The following CGNL1 variants were observed in gnomAD, a reference collection of about 807,000 sequenced individuals.
CGNL1 encodes cingulin-like protein 1.
In CGNL1, 132 loss-of-function variants were observed where a neutral mutation model predicts 141.2. That is an observed-to-expected ratio of 0.93 (90% CI 0.81 to 1.08). The LOEUF is 1.08. Ranked by LOEUF, CGNL1 falls within the 50% of genes least tolerant of loss-of-function variation. The pLI is 0.00. For synonymous variants in CGNL1, 690 were observed against 622.1 expected (o/e 1.11, Z -1.63); for missense variants, 1,870 against 1,588.6 (o/e 1.18, Z -3.01).
chr15:57,432,536 C>T (rs963269661), intron 1 of CGNL1, among the ~76,000 whole-genome samples: 14 of 152,184 alleles, frequency 9.2e-5, no homozygotes, highest in African/African-American at 1.9e-4. Flanking sequence ...CTTTTATTTG[C>T]CAAGTGCCAC....
At chr15:57,534,183 T>A (rs1004994808) in intron 14 of CGNL1, among the ~76,000 whole-genome samples, 1 of 152,214 alleles carries the variant, frequency 6.6e-6, no homozygotes, top group Non-Finnish European at 1.5e-5. Context: ...AAAGATGAGT[T>A]CCACCAATGT....
rs1440767228 is a variant in CGNL1 at position 57,549,595 on chromosome 15, T to G, written c.*2105T>G. On this transcript the variant is annotated 3_prime_UTR_variant, in exon 19 of 19. Coordinates refer to ENST00000281282, the MANE Select transcript of CGNL1 (RefSeq NM_032866.5). ...TGTGGCCGATTCCTCCCTTTAGTCA[T>G]TCATTCATTTAGCACATATTTATTG... The G allele has an allele frequency of 6.6e-6, 1 of 152,210 alleles. No individual in the cohort carries two copies. Among genetic ancestry groups the G allele is most frequent in the Non-Finnish European group, 1.5e-5 (1 of 68,058 alleles). The allele number at this position is 152,210 out of a possible 1,614,324, so 9.4% of individuals were successfully genotyped here. A position where few individuals can be genotyped will look rare whatever the true frequency, so the allele number is the denominator to read the frequency against.
At chr15:57,492,573 G>A (rs2063881022) in intron 8 of CGNL1, among the ~76,000 whole-genome samples, 1 of 152,144 alleles carries the variant, frequency 6.6e-6, no homozygotes, top group Non-Finnish European at 1.5e-5. Context: ...TGGGGATAGT[G>A]AGGACAAATA....
chr15:57,487,869 C>T (rs2063806064), intron 8 of CGNL1, among the ~76,000 whole-genome samples: 1 of 152,158 alleles, frequency 6.6e-6, no homozygotes, highest in Admixed American at 6.5e-5. Context: ...ATATAGTTTT[C>T]GAGTATACAG....
chr15:57,493,138 G>A (rs2063889635), intron 8 of CGNL1, among the ~76,000 whole-genome samples: 1 of 152,204 alleles, frequency 6.6e-6, no homozygotes, highest in African/African-American at 2.4e-5. Context: ...TAGATAGTGA[G>A]TTTATGATTT....
chr15:57,405,772 C>CTCTTTCTTTTTCTT (rs1447047398), intron 1 of CGNL1, among the ~76,000 whole-genome samples: 20 of 123,390 alleles, frequency 1.6e-4, no homozygotes, highest in African/African-American at 6.7e-4. Context: ...TTCTTTCTTT[C>CTCTTTCTTTTTCTT]TCTTTCTTTC....
At chr15:57,523,345 C>A in intron 10 of CGNL1, 144 bp from the exon 11 acceptor site, 1 of 691,214 alleles carries the variant, frequency 1.4e-6, no homozygotes, top group Non-Finnish European at 2.4e-6. Context: ...CTATCTCTGA[C>A]AGCTTTATTT....
chr15:57,511,404 G>A (rs2030293930), intron 8 of CGNL1, among the ~76,000 whole-genome samples: 1 of 152,146 alleles, frequency 6.6e-6, no homozygotes, highest in South Asian at 2.1e-4. Flanking sequence ...CTTTAGTAGT[G>A]TGCAATCTTT....
chr15:57,468,267 G>T (rs112478754), intron 8 of CGNL1, among the ~76,000 whole-genome samples: 4 of 109,388 alleles, frequency 3.7e-5, no homozygotes, highest in Admixed American at 2.7e-4. Context: ...TTGAGACAGA[G>T]TCTGGCTCTG....
chr15:57,452,376 G>C (rs2063332637), intron 6 of CGNL1, 87 bp downstream of exon 6: 2 of 1,229,080 alleles, frequency 1.6e-6, no homozygotes, highest in Non-Finnish European at 2.2e-6. Flanking sequence ...ATACTACCCA[G>C]CCTTCCAAAT....
intron 4 of CGNL1, among the ~76,000 whole-genome samples, chr15:57,446,662 T>C (rs2063255906): frequency 7.3e-6 from 1 of 137,622 alleles, no homozygotes; most frequent in African/African-American, 2.7e-5. Flanking sequence ...AAACTGAACA[T>C]TACTTTTTTT....
At chr15:57,421,768 G>A (rs986561771) in intron 1 of CGNL1, among the ~76,000 whole-genome samples, 4 of 152,032 alleles carry the variant, frequency 2.6e-5, no homozygotes, top group African/African-American at 7.2e-5. Flanking sequence ...GCTGTCAGGC[G>A]TCGTGTGCTC....
At chr15:57,545,536 G>C in intron 16 of CGNL1, 56 bp from the exon 17 acceptor site, 1 of 1,509,630 alleles carries the variant, frequency 6.6e-7, no homozygotes, top group East Asian at 2.4e-5. Flanking sequence ...GCCTAGGCTG[G>C]GCCCCCTGCA....
chr15:57,482,791 T>TC (rs202126081), intron 8 of CGNL1, among the ~76,000 whole-genome samples: 4 of 149,276 alleles, frequency 2.7e-5, no homozygotes, highest in Admixed American at 2.0e-4. Flanking sequence ...TTTTCTCTCT[T>TC]TTTTTTTTTT....
chr15:57,469,068 A>G (rs1381416276), intron 8 of CGNL1, among the ~76,000 whole-genome samples: 1 of 152,144 alleles, frequency 6.6e-6, no homozygotes, highest in Admixed American at 6.6e-5. Context: ...AAATGGACTA[A>G]TACAGAGACC....
intron 8 of CGNL1, among the ~76,000 whole-genome samples, chr15:57,489,047 C>T (rs2152375153): frequency 6.6e-6 from 1 of 152,302 alleles, no homozygotes; most frequent in South Asian, 2.1e-4. Flanking sequence ...GTTGATATAA[C>T]ATCTTAATTA....
intron 14 of CGNL1, among the ~76,000 whole-genome samples, chr15:57,536,172 T>G (rs1567175670): frequency 6.6e-6 from 1 of 152,112 alleles, no homozygotes; most frequent in Non-Finnish European, 1.5e-5. Context: ...TATAAAACCA[T>G]TAGATCTCAT....
At chr15:57,397,085 G>A (rs2062610930) in intron 1 of CGNL1, 1 of 152,176 alleles carries the variant, frequency 6.6e-6, no homozygotes, top group African/African-American at 2.4e-5. Flanking sequence ...TCAGTCTTCT[G>A]GGATATGGCT....
intron 14 of CGNL1, among the ~76,000 whole-genome samples, chr15:57,541,981 G>C (rs748976434): frequency 6.6e-6 from 1 of 152,210 alleles, no homozygotes. Context: ...TGTCCCACCA[G>C]CATCATTTAG....
Sources: gnomAD v4.1 joint callset for allele counts (sites outside exome capture counted in the v4.1 genomes callset) on GRCh38, gnomAD v4.1.1 for gene constraint, MANE v1.5 for transcripts, NCBI Gene and HGNC (gene_info 2026-07-23, HGNC 2026-07-21) for gene names.